Variants in RNF216 observed in about 807,000 individuals in gnomAD.
RNF216 encodes the protein ring finger protein 216.
In RNF216, 72 loss-of-function variants were observed where a neutral mutation model predicts 110.8. The ratio of observed to expected loss-of-function variants is 0.65; its 90% CI spans 0.54 to 0.79. The LOEUF is 0.79. Ranked by LOEUF, RNF216 falls within the 30% of genes least tolerant of loss-of-function variation. The probability of loss-of-function intolerance (pLI) is 0.00; values close to 1 mark genes in which losing one functional copy is unlikely to be tolerated. For missense variants in RNF216, 1,342 were observed against 1,141.2 expected (o/e 1.18, Z -2.54); for synonymous variants, 495 against 407.5 (o/e 1.21, Z -2.59).
chr7:5,769,505 T>C (rs1042701359), intron 1 of RNF216, among the ~76,000 whole-genome samples: 2 of 151,694 alleles, frequency 1.3e-5, no homozygotes, highest in African/African-American at 4.8e-5. Context: ...GGCGGACTGC[T>C]TGAGCTCAGG....
At chr7:5,676,949 T>C (rs1002930459) in intron 13 of RNF216, among the ~76,000 whole-genome samples, 4 of 152,194 alleles carry the variant, frequency 2.6e-5, no homozygotes, top group African/African-American at 9.7e-5. Context: ...GGCCCATTAT[T>C]TCCCATAGGG....
intron 3 of RNF216, among the ~76,000 whole-genome samples, chr7:5,750,297 G>A (rs947936725): frequency 3.9e-5 from 6 of 152,168 alleles, no homozygotes; most frequent in African/African-American, 1.4e-4. Context: ...ACTAATGTCT[G>A]CCCTGGTTTG....
chr7:5,652,866 C>T (rs180928871), intron 13 of RNF216, among the ~76,000 whole-genome samples: 1 of 152,262 alleles, frequency 6.6e-6, no homozygotes, highest in East Asian at 1.9e-4. Flanking sequence ...GGAAAAATTT[C>T]TCTCCCTAGA....
intron 13 of RNF216, among the ~76,000 whole-genome samples, chr7:5,676,454 G>A (rs1163653358): frequency 2.0e-5 from 3 of 152,218 alleles, no homozygotes; most frequent in Non-Finnish European, 2.9e-5. Context: ...AGCCCCATCT[G>A]TGAGAACTGT....
intron 10 of RNF216, 64 bp from the exon 11 acceptor site, chr7:5,715,254 C>A: frequency 6.5e-7 from 1 of 1,530,148 alleles, no homozygotes; most frequent in Non-Finnish European, 8.9e-7. Flanking sequence ...AGCCTTGTCT[C>A]CCATCCTCAT....
chr7:5,725,579 G>C (rs1308091033), intron 7 of RNF216, 141 bp from the exon 8 acceptor site: 4 of 621,074 alleles, frequency 6.4e-6, no homozygotes, highest in African/African-American at 5.5e-5. Flanking sequence ...AGCTGGGTGC[G>C]GTGGCTGACG....
intron 15 of RNF216, among the ~76,000 whole-genome samples, chr7:5,639,022 T>C (rs118108960): frequency 3.3e-5 from 5 of 152,160 alleles, no homozygotes; most frequent in Admixed American, 3.3e-4. Flanking sequence ...CTCCTCAGTA[T>C]AACATCTTCC....
intron 1 of RNF216, among the ~76,000 whole-genome samples, chr7:5,779,656 T>TAA (rs34915284): frequency 5.2e-4 from 58 of 112,522 alleles, no homozygotes; most frequent in African/African-American, 1.5e-3. Context: ...CTCCGTCTCT[T>TAA]AAAAAAAAAA....
At chr7:5,705,232 G>A (rs148973876) in intron 13 of RNF216, among the ~76,000 whole-genome samples, 1 of 152,096 alleles carries the variant, frequency 6.6e-6, no homozygotes, top group South Asian at 2.1e-4. Flanking sequence ...GTAAAAACAC[G>A]TACACACTGG....
At position 5,760,992 on chromosome 7, in the gene RNF216, A is replaced by G; in HGVS notation, c.67+11T>C. On this transcript the variant is annotated intron_variant, in intron 2 of 16. Coordinates refer to ENST00000389902, the MANE Select transcript of RNF216 (RefSeq NM_207111.4). ...ACAGGGAAAGGGATGAAGTGAGAACAAACAACTTACCTTGTCCCCGATGGC... is the reference window on the plus strand; with the variant it reads ...ACAGGGAAAGGGATGAAGTGAGAACGAACAACTTACCTTGTCCCCGATGGC... The G allele has an allele frequency of 2.6e-6, 4 of 1,566,052 alleles. No individual in the cohort carries two copies.
At chr7:5,754,159 TGTGC>T (rs1173668333) in intron 2 of RNF216, among the ~76,000 whole-genome samples, 1 of 132,738 alleles carries the variant, frequency 7.5e-6, no homozygotes, top group Non-Finnish European at 1.6e-5. Flanking sequence ...TGTGTGTGTG[TGTGC>T]GCATTTGTCT....
In RNF216 at chr7:5,716,279, A is replaced by G. The variant is rs577158668; in HGVS notation, c.1695+437T>C. On this transcript the variant is annotated intron_variant, in intron 10 of 16. Transcript: ENST00000389902. ...GTTCCCAGCACTTTGGGAGGTTGAG[A>G]TGGGTGGATCACCTGAGGTCAGGAG... Among the ~76,000 whole-genome samples, 40 of 151,942 alleles carry G rather than the reference A, an allele frequency of 2.6e-4. No individual in the cohort carries two copies. The South Asian group carries it at 3.5e-3, about 13-fold the overall frequency.
chr7:5,702,075 G>A (rs985575407), intron 13 of RNF216, among the ~76,000 whole-genome samples: 6 of 152,170 alleles, frequency 3.9e-5, no homozygotes, highest in South Asian at 2.1e-4. Flanking sequence ...GGTCGCTGCC[G>A]GGTTCTCGGA....
intron 15 of RNF216, among the ~76,000 whole-genome samples, chr7:5,636,021 G>C (rs2128562738): frequency 6.6e-6 from 1 of 152,302 alleles, no homozygotes; most frequent in East Asian, 1.9e-4. Flanking sequence ...CACGGACTTT[G>C]TTTTGTATTG....
chr7:5,681,384 C>T (rs532714271), intron 13 of RNF216, among the ~76,000 whole-genome samples: 2 of 152,292 alleles, frequency 1.3e-5, no homozygotes, highest in South Asian at 4.1e-4. Flanking sequence ...GCCCCAAACA[C>T]GTCACATTTT....
intron 2 of RNF216, among the ~76,000 whole-genome samples, chr7:5,759,084 T>G (rs1795792915): frequency 6.6e-6 from 1 of 152,054 alleles, no homozygotes; most frequent in Non-Finnish European, 1.5e-5. Flanking sequence ...TGAGTTCTTG[T>G]GAGATCTGGT....
chr7:5,702,125 G>A (rs530980559), intron 13 of RNF216, among the ~76,000 whole-genome samples: 1 of 152,310 alleles, frequency 6.6e-6, no homozygotes, highest in Admixed American at 6.5e-5. Context: ...CTGAAATGCA[G>A]GTGGGTGTGG....
intron 13 of RNF216, among the ~76,000 whole-genome samples, chr7:5,707,071 A>C (rs1160796349): frequency 6.6e-6 from 1 of 152,218 alleles, no homozygotes; most frequent in African/African-American, 2.4e-5. Flanking sequence ...CCCTTGTTGA[A>C]GATCAGCTGA....
intron 4 of RNF216, 127 bp downstream of exon 4, chr7:5,740,846 A>T: frequency 1.2e-6 from 1 of 824,570 alleles, no homozygotes; most frequent in Non-Finnish European, 1.8e-6. Flanking sequence ...CTGTACATCT[A>T]GATATATACT....
Sources: allele counts gnomAD v4.1 joint callset (sites outside exome capture counted in the v4.1 genomes callset), GRCh38; gene constraint gnomAD v4.1.1; transcripts MANE v1.5; gene names NCBI Gene and HGNC (gene_info 2026-07-23, HGNC 2026-07-21).